SMAD7: variants seen among roughly 807,000 people sequenced by gnomAD.
SMAD7 encodes MAD (mothers against decapentaplegic, Drosophila) homolog 7.
SMAD7 carries 8 observed loss-of-function variants against 38.7 expected under a neutral mutation model. That is an observed-to-expected ratio of 0.21 (90% CI 0.12 to 0.37). The LOEUF (loss-of-function observed/expected upper bound fraction) is 0.37, where lower values mean the gene tolerates loss of function less well. Ranked by LOEUF, SMAD7 falls within the 10% of genes least tolerant of loss-of-function variation. SMAD7 has a pLI of 1.00. For missense variants in SMAD7, 477 were observed against 577.9 expected, an observed-to-expected ratio of 0.83 and a Z score of 1.79; for synonymous variants, 327 against 265.1, an observed-to-expected ratio of 1.23 and a Z score of -2.27.
rs1056532336 is a variant in SMAD7 at position 48,920,565 on chromosome 18, G to C, written c.*807C>G. 5 of 152,510 alleles carry C rather than the reference G, an allele frequency of 3.3e-5. No homozygotes were observed. The highest frequency in any genetic ancestry group is 1.2e-4 in the African/African-American group (5 of 41,428). The allele number at this position is 152,510 out of a possible 1,614,324, so 9.4% of individuals were successfully genotyped here. On this transcript the variant is annotated 3_prime_UTR_variant, in exon 4 of 4. Coordinates refer to ENST00000262158, the MANE Select transcript of SMAD7 (RefSeq NM_005904.4). Reference sequence around the variant, plus strand: ...GAGAGGCTGAGGGGAGAGGGCACTGGGTGAGCAATACTGTGAGGGGGCTGC... The same window carrying C: ...GAGAGGCTGAGGGGAGAGGGCACTGCGTGAGCAATACTGTGAGGGGGCTGC...
Position 48,920,494 on chromosome 18 carries a change from G to A in SMAD7, c.*878C>T. On this transcript the variant is annotated 3_prime_UTR_variant, in exon 4 of 4. Coordinates refer to ENST00000262158, the MANE Select transcript of SMAD7 (RefSeq NM_005904.4). ...GATGGGAGCAGGCAGTGCTGAGCTG[G>A]TTTTCTAAGTCCGGGAAAAACCTGA... 6.6e-6 allele frequency: 1 copy of A among 152,642 alleles called. No individual in the cohort carries two copies. Among genetic ancestry groups the A allele is most frequent in the Non-Finnish European group, 1.5e-5 (1 of 68,282 alleles). 9.5% of individuals were successfully genotyped at this position (152,642 alleles called of 1,614,324 possible). A position where few individuals can be genotyped will look rare whatever the true frequency, so the allele number is the denominator to read the frequency against.
chr18:48,932,906 TCAAGA>T (rs2070019463), intron 3 of SMAD7, among the ~76,000 whole-genome samples: 2 of 152,166 alleles, frequency 1.3e-5, no homozygotes, highest in African/African-American at 4.8e-5. Flanking sequence ...CCTCTGGCTG[TCAAGA>T]CATTAGATAC....
Position 48,950,207 on chromosome 18 carries a change from T to C in SMAD7, c.218A>G (p.His73Arg), listed in dbSNP as rs2070246473. The change falls in exon 1 of 4, where the codon CAC becomes CGC. Residue 73 changes from histidine (H) to arginine (R), a missense_variant. His to Arg is a conservative substitution (Grantham distance 29). Transcript: ENST00000262158. ...GCCCGCGGCTGGCGGGTGGGGATGG[T>C]GGTGACCTTTGGCACCTCGCACCGC... ...GKAVRGAKGHHHPHPPAAGAG... is the reference protein window; with the variant it reads ...GKAVRGAKGHRHPHPPAAGAG... 1 of 1,496,762 alleles carries C rather than the reference T, an allele frequency of 6.7e-7. No homozygotes were observed. The highest frequency in any genetic ancestry group is 8.9e-7 in the Non-Finnish European group (1 of 1,128,302). The allele number at this position is 1,496,762 out of a possible 1,614,324, so 92.7% of individuals were successfully genotyped here. A position where few individuals can be genotyped will look rare whatever the true frequency, so the allele number is the denominator to read the frequency against.
Position 48,921,615 on chromosome 18 carries a change from T to C in SMAD7, c.1038A>G (p.Thr346=). Reference sequence around the variant, plus strand: ...GCGTCCTGGAGTCCGGGTTGTCCAGTGTGGCGGACTTGATGAAGATGGGGT... The same window carrying C: ...GCGTCCTGGAGTCCGGGTTGTCCAGCGTGGCGGACTTGATGAAGATGGGGT... ...SSYPIFIKSA[T]LDNPDSRTLL... is the part of the protein sequence containing the mutation. Residue 346 remains threonine (T), a synonymous_variant, in exon 4 of 4, where the codon ACA becomes ACG. Coordinates refer to ENST00000262158, the MANE Select transcript of SMAD7 (RefSeq NM_005904.4). This position sits in a 1 kb window ranked among gnomAD's most constrained non-coding sequence, Gnocchi z 6.4. 2 of 1,613,264 alleles carry C rather than the reference T, an allele frequency of 1.2e-6. No homozygotes were observed. The highest frequency in any genetic ancestry group is 1.3e-5 in the African/African-American group (1 of 75,058).
Position 48,921,692 on chromosome 18 carries a change from T to C in SMAD7, c.961A>G (p.Ile321Val). 1 of 1,613,646 alleles carries C rather than the reference T, an allele frequency of 6.2e-7. No homozygotes were observed. The change falls in exon 4 of 4, where the codon ATC becomes GTC. Residue 321 changes from isoleucine to valine, a missense_variant. Ile to Val is a conservative substitution (Grantham distance 29, BLOSUM62 3). Coordinates refer to ENST00000262158, the MANE Select transcript of SMAD7 (RefSeq NM_005904.4). The surrounding 1 kb of genome is among the most constrained non-coding windows in gnomAD (Gnocchi z 6.4). ...QKVRSKIGCG[I>V]QLTREVDGVW... is the part of the protein sequence containing the mutation. ...CCATCCACCTCCCGCGTCAGCTGGA[T>C]GCCGCAGCCGATTTTGCTCCGCACC...
chr18:48,930,075 G>C (rs1382358891), intron 3 of SMAD7: 3 of 152,096 alleles, frequency 2.0e-5, no homozygotes, highest in Admixed American at 6.6e-5. Context: ...TTCTTCTCCT[G>C]CGAGCTCCCT....
chr18:48,945,101 C>G (rs1299103708), intron 2 of SMAD7, among the ~76,000 whole-genome samples: 1 of 152,180 alleles, frequency 6.6e-6, no homozygotes, highest in Non-Finnish European at 1.5e-5. Flanking sequence ...CACTGTACCC[C>G]AAGGGTCCCA....
At chr18:48,929,006 G>C (rs971473362) in intron 3 of SMAD7, among the ~76,000 whole-genome samples, 88 of 152,156 alleles carry the variant, frequency 5.8e-4, no homozygotes, top group African/African-American at 2.0e-3. Flanking sequence ...TGCTGTCTGA[G>C]GAGGCCCACT....
chr18:48,950,323 T>G lies in SMAD7; in HGVS notation c.102A>C (p.Gly34=), dbSNP rs1047520622. Residue 34 remains glycine, a synonymous_variant, in exon 1 of 4, where the codon GGA becomes GGC. Transcript: ENST00000262158. ...EEEGAGGGGG[G]GELRGEGATD... ...TCGCCCCTTCTCCCCGCAGCTCGCC[T>G]CCTCCTCCACCTCCCCCTGCGCCCT... 20 of 1,536,908 alleles carry G rather than the reference T, an allele frequency of 1.3e-5. No individual in the cohort carries two copies. Among genetic ancestry groups the G allele is most frequent in the Non-Finnish European group, 1.8e-5 (20 of 1,141,810 alleles).
At chr18:48,943,639 C>A (rs1449264640) in intron 2 of SMAD7, among the ~76,000 whole-genome samples, 2 of 152,322 alleles carry the variant, frequency 1.3e-5, no homozygotes, top group South Asian at 4.1e-4. Context: ...GCAGCAAACA[C>A]AACAGGTTGG....
intron 3 of SMAD7, 50 bp downstream of exon 3, chr18:48,942,430 CA>C: frequency 7.7e-7 from 1 of 1,303,206 alleles, no homozygotes; most frequent in Non-Finnish European, 1.1e-6. Context: ...CAGTCTTTAG[CA>C]ATTTCAAAAA....
chr18:48,949,034 G>A (rs2070230549), intron 1 of SMAD7, among the ~76,000 whole-genome samples: 2 of 152,244 alleles, frequency 1.3e-5, no homozygotes, highest in Non-Finnish European at 2.9e-5. Flanking sequence ...TAAAAGGAAA[G>A]GAGTTTCAGG....
rs1482476265 is a variant in SMAD7, at chr18:48,950,123, T to C, written c.302A>G (p.Lys101Arg). Residue 101 changes from lysine to arginine, a missense_variant, in exon 1 of 4, where the codon AAG (lysine) becomes AGG (arginine). Lys to Arg is a conservative substitution (Grantham distance 26). Around this residue, in one of 2 missense-constraint regions of SMAD7, gnomAD observed 376 missense variants for 379.4 expected, o/e 0.99. Transcript: ENST00000262158. ...CTCCAGCTGCCGCTCCTTCAGTTTC[T>C]TGAGCACCGAGTGCGTGAGCGCCTT... ...DLKALTHSVL[K>R]KLKERQLELL... 3.7e-5 allele frequency: 56 copies of C among 1,494,548 alleles called. No homozygotes were observed. The highest frequency in any genetic ancestry group is 4.8e-5 in the Non-Finnish European group (54 of 1,125,782). The allele number at this position is 1,494,548 out of a possible 1,614,324, so 92.6% of individuals were successfully genotyped here. A position where few individuals can be genotyped will look rare whatever the true frequency, so the allele number is the denominator to read the frequency against.
intron 3 of SMAD7, among the ~76,000 whole-genome samples, chr18:48,938,348 G>A (rs906813698): frequency 3.3e-5 from 5 of 152,184 alleles, no homozygotes; most frequent in Non-Finnish European, 5.9e-5. Context: ...TGGGTTGGAG[G>A]CATGGTGCCG....
At position 48,921,442 on chromosome 18, in the gene SMAD7, C is replaced by T; in HGVS notation, c.1211G>A (p.Gly404Asp). Residue 404 changes from glycine to aspartate, a missense_variant, in exon 4 of 4, where the codon GGC becomes GAC. By Grantham distance (94) the Gly-to-Asp change is moderately conservative. Around this residue, in one of 2 missense-constraint regions of SMAD7, gnomAD observed 101 missense variants for 198.5 expected, o/e 0.51. Coordinates refer to ENST00000262158, the MANE Select transcript of SMAD7 (RefSeq NM_005904.4). This position sits in a 1 kb window ranked among gnomAD's most constrained non-coding sequence, Gnocchi z 6.4. ...TVQISFVKGW[G>D]QCYTRQFISS... ...GATGAACTGGCGGGTGTAGCACTGG[C>T]CCCAGCCCTTCACAAAGCTGATCTG... 6.2e-7 allele frequency: 1 copy of T among 1,613,850 alleles called. No homozygotes were observed. The highest frequency in any genetic ancestry group is 8.5e-7 in the Non-Finnish European group (1 of 1,179,926).
At chr18:48,933,756 C>G (rs536555370) in intron 3 of SMAD7, 1 of 152,444 alleles carries the variant, frequency 6.6e-6, no homozygotes, top group East Asian at 1.9e-4. Flanking sequence ...CCGGCGCCGG[C>G]CCACCAACCT....
At chr18:48,922,037 G>T (rs930510361) in intron 3 of SMAD7, 127 bp from the exon 4 acceptor site, 2 of 742,262 alleles carry the variant, frequency 2.7e-6, no homozygotes, top group African/African-American at 3.5e-5. Context: ...AAAGAAGGAG[G>T]CGGTGAGGCT....
chr18:48,950,086 C>T lies in SMAD7; in HGVS notation c.339G>A (p.Gln113=). The T allele has an allele frequency of 1.4e-6, 2 of 1,473,156 alleles. No individual in the cohort carries two copies. The highest frequency in any genetic ancestry group is 1.8e-6 in the Non-Finnish European group (2 of 1,114,936). The allele number at this position is 1,473,156 out of a possible 1,614,324, so 91.3% of individuals were successfully genotyped here. ...GCGTCCCGCCGCGGGACTCCACGGC[C>T]TGGAGCAGCAGCTCCAGCTGCCGCT... ...LKERQLELLL[Q]AVESRGGTRT... Residue 113 remains glutamine, a synonymous_variant, in exon 1 of 4, where the codon CAG becomes CAA. Transcript: ENST00000262158.
chr18:48,946,069 C>A (rs1300247475), intron 2 of SMAD7, among the ~76,000 whole-genome samples: 1 of 152,214 alleles, frequency 6.6e-6, no homozygotes, highest in Non-Finnish European at 1.5e-5. Context: ...GAGTTCCTAG[C>A]TTTGAGCCCT....
Sources: gnomAD v4.1 joint callset for allele counts (sites outside exome capture counted in the v4.1 genomes callset) on GRCh38, gnomAD v4.1.1 for gene constraint, gnomAD v4.1.1 regional missense constraint, Gnocchi (gnomAD v3.1) non-coding constraint, MANE v1.5 for transcripts, NCBI Gene and HGNC (gene_info 2026-07-23, HGNC 2026-07-21) for gene names.